ZNF462: variants seen among roughly 807,000 people sequenced by gnomAD.
The protein encoded by ZNF462 is zinc finger PBX1-interacting protein.
A neutral mutation model predicts 201.9 loss-of-function variants in ZNF462; 10 were observed. That is an observed-to-expected ratio of 0.05 (90% CI 0.03 to 0.08). ZNF462 has a LOEUF of 0.08. ZNF462 is among the 10% of genes least tolerant of loss of function. The pLI is 1.00. For synonymous variants in ZNF462, 1,227 were observed against 1,193.3 expected (o/e 1.03, Z -0.58); for missense variants, 2,523 against 3,168.3 (o/e 0.80, Z 4.89).
chr9:106,862,361 G>A (rs1238837189), upstream of ZNF462, among the ~76,000 whole-genome samples: 1 of 152,104 alleles, frequency 6.6e-6, no homozygotes, highest in Non-Finnish European at 1.5e-5. The surrounding 1 kb of genome is among the most constrained non-coding windows in gnomAD (Gnocchi z 4.2). Flanking sequence ...GCTGACGTTG[G>A]GAGCGCTATG....
chr9:106,949,447 G>A (rs138840446), intron 7 of ZNF462, among the ~76,000 whole-genome samples: 2 of 152,334 alleles, frequency 1.3e-5, no homozygotes, highest in Non-Finnish European at 2.9e-5. Flanking sequence ...ATAGCAAGAT[G>A]TGCCATCCCA....
At chr9:106,893,249 C>T (rs1435762562) in intron 1 of ZNF462, among the ~76,000 whole-genome samples, 1 of 152,170 alleles carries the variant, frequency 6.6e-6, no homozygotes, top group Admixed American at 6.5e-5. Flanking sequence ...GACAGAGACC[C>T]AAACCTTGTC....
In ZNF462 at chr9:106,932,253, G is replaced by A; in HGVS notation, c.6013-193G>A. The A allele has an allele frequency of 6.4e-7, 1 of 1,550,440 alleles. No homozygotes were observed. Among genetic ancestry groups the A allele is most frequent in the South Asian group, 1.2e-5 (1 of 84,044 alleles). The stretch of plus-strand genomic sequence containing the variant: ...TTGGTGGGGCATGTGTGTGTGTGTG[G>A]TTCTCTTAGCAGGAGGCGGATGACC... On this transcript the variant is annotated intron_variant, in intron 4 of 12. Transcript: ENST00000277225. This position sits in a 1 kb window ranked among gnomAD's most constrained non-coding sequence, Gnocchi z 6.8.
Position 106,930,444 on chromosome 9 carries a change from T to A in ZNF462, c.5848-81T>A, listed in dbSNP as rs920654341. On this transcript the variant is annotated intron_variant, in intron 3 of 12. Transcript: ENST00000277225. This position sits in a 1 kb window ranked among gnomAD's most constrained non-coding sequence, Gnocchi z 5.8. ...CCTGCTAATCGGCTTTAAAATAAAG[T>A]ATGTTAGTAAACTGCAAGAATAAAT... 6.5e-7 allele frequency: 1 copy of A among 1,548,362 alleles called. No homozygotes were observed.
intron 1 of ZNF462, among the ~76,000 whole-genome samples, chr9:106,864,087 T>G (rs868205597): frequency 1.6e-5 from 2 of 121,938 alleles, no homozygotes; most frequent in Non-Finnish European, 1.8e-5. Context: ...TCTCTCTCTC[T>G]CTCTCTCTCT....
chr9:106,890,542 C>G lies in ZNF462; in HGVS notation c.-31+27187C>G, dbSNP rs530384314. On this transcript the variant is annotated intron_variant, in intron 1 of 12. Transcript: ENST00000277225. The surrounding 1 kb of genome is among the most constrained non-coding windows in gnomAD (Gnocchi z 4.2). The stretch of plus-strand genomic sequence containing the variant: ...TACACTTGGATGATGTAGTTAGGCT[C>G]AACTCCATTTGTAGTGAGAAACATT... Among the ~76,000 whole-genome samples, 1 of 152,288 alleles carries G rather than the reference C, an allele frequency of 6.6e-6. No homozygotes were observed. The highest frequency in any genetic ancestry group is 1.9e-4 in the East Asian group (1 of 5,182).
In ZNF462 at chr9:106,963,176, C is replaced by G. The variant is rs147123325; in HGVS notation, c.6428-8829C>G. Among the ~76,000 whole-genome samples, 152 of 152,180 alleles carry G rather than the reference C, an allele frequency of 1.0e-3. 2 individuals carry two copies. Among genetic ancestry groups the G allele is most frequent in the African/African-American group, 3.5e-3 (144 of 41,542 alleles). The stretch of plus-strand genomic sequence containing the variant: ...GTTTCTCTGGATACCAAATTCTGCT[C>G]AGTGTTAACAGCACTTGAGAAACAG... On this transcript the variant is annotated intron_variant, in intron 7 of 12. Coordinates refer to ENST00000277225, the MANE Select transcript of ZNF462 (RefSeq NM_021224.6). This position sits in a 1 kb window ranked among gnomAD's most constrained non-coding sequence, Gnocchi z 4.7.
At chr9:106,899,740 T>C (rs1219315355) in intron 1 of ZNF462, among the ~76,000 whole-genome samples, 2 of 152,194 alleles carry the variant, frequency 1.3e-5, no homozygotes, top group East Asian at 3.9e-4. Flanking sequence ...GGCAAAGGAC[T>C]GGGTTGCATA....
In ZNF462 at chr9:106,925,930, C is replaced by G; in HGVS notation, c.2018C>G (p.Ala673Gly). ...LGLSSKNNFV[A>G]KASRKLANDF... ...TTGTCCTCCAAGAACAATTTTGTAG[C>G]TAAAGCCTCTAGGAAGCTCGCCAAT... The change falls in exon 3 of 13, where the codon GCT becomes GGT. Residue 673 changes from alanine to glycine, a missense_variant. Coordinates refer to ENST00000277225, the MANE Select transcript of ZNF462 (RefSeq NM_021224.6). The surrounding 1 kb of genome is among the most constrained non-coding windows in gnomAD (Gnocchi z 7.9). 6.2e-7 allele frequency: 1 copy of G among 1,614,148 alleles called. No homozygotes were observed.
chr9:106,887,326 C>T (rs1188296000), intron 1 of ZNF462, among the ~76,000 whole-genome samples: 1 of 152,184 alleles, frequency 6.6e-6, no homozygotes, highest in Admixed American at 6.5e-5. Context: ...GCTGGCTTTT[C>T]CTTGCCTACA....
In ZNF462 at chr9:107,011,113, A is replaced by T; in HGVS notation, c.*83A>T. On this transcript the variant is annotated 3_prime_UTR_variant, in exon 13 of 13. Transcript: ENST00000277225. This position sits in a 1 kb window ranked among gnomAD's most constrained non-coding sequence, Gnocchi z 5.6. The stretch of plus-strand genomic sequence containing the variant: ...GCTGGCTTGGGCTGAGAAGGGAGGG[A>T]CAGAAAAGAGAAGACAGAACAAAGC... The T allele has an allele frequency of 7.1e-7, 1 of 1,400,862 alleles. No homozygotes were observed. The highest frequency in any genetic ancestry group is 9.9e-7 in the Non-Finnish European group (1 of 1,013,532). 86.8% of individuals were successfully genotyped at this position (1,400,862 alleles called of 1,614,324 possible). A position where few individuals can be genotyped will look rare whatever the true frequency, so the allele number is the denominator to read the frequency against.
chr9:107,010,679 C>A lies in ZNF462; in HGVS notation c.7314-144C>A, dbSNP rs541143769. The A allele has an allele frequency of 1.6e-3, 1,120 of 703,192 alleles. No individual in the cohort carries two copies. Among genetic ancestry groups the A allele is most frequent in the Non-Finnish European group, 2.2e-3 (970 of 438,286 alleles). The allele number at this position is 703,192 out of a possible 1,614,324, so 43.6% of individuals were successfully genotyped here. A position where few individuals can be genotyped will look rare whatever the true frequency, so the allele number is the denominator to read the frequency against. The stretch of plus-strand genomic sequence containing the variant: ...GCATCACTTGGTATTTTGTCATACA[C>A]CCATGGCATTTGTTCAAAGGAAACC... On this transcript the variant is annotated intron_variant, in intron 12 of 12. Transcript: ENST00000277225. The surrounding 1 kb of genome is among the most constrained non-coding windows in gnomAD (Gnocchi z 4.6).
intron 10 of ZNF462, among the ~76,000 whole-genome samples, chr9:106,996,508 A>T (rs1001623703): frequency 2.6e-5 from 4 of 152,126 alleles, no homozygotes; most frequent in African/African-American, 9.7e-5. Flanking sequence ...TCGCCATTCT[A>T]ACTGGTGTGA....
At position 106,876,111 on chromosome 9, in the gene ZNF462, T is replaced by C. The variant is rs765042230; in HGVS notation, c.-31+12756T>C. Reference sequence around the variant, plus strand: ...ATGTGTAGTAGGTGGAATATACTCTTTGGGGCCACACAAGCTGAGGCTGAA... The same window carrying C: ...ATGTGTAGTAGGTGGAATATACTCTCTGGGGCCACACAAGCTGAGGCTGAA... On this transcript the variant is annotated intron_variant, in intron 1 of 12. Coordinates refer to ENST00000277225, the MANE Select transcript of ZNF462 (RefSeq NM_021224.6). The surrounding 1 kb of genome is among the most constrained non-coding windows in gnomAD (Gnocchi z 4.9). Among the ~76,000 whole-genome samples, 9 of 152,140 alleles carry C rather than the reference T, an allele frequency of 5.9e-5. No individual in the cohort carries two copies. The highest frequency in any genetic ancestry group is 2.0e-4 in the Admixed American group (3 of 15,270).
intron 7 of ZNF462, among the ~76,000 whole-genome samples, chr9:106,971,142 C>T (rs911559362): frequency 3.3e-5 from 5 of 152,050 alleles, no homozygotes; most frequent in East Asian, 1.9e-4. Context: ...AGGCATAAAA[C>T]ATTTTTATAT....
chr9:106,938,916 G>T lies in ZNF462; in HGVS notation c.6236G>T (p.Gly2079Val), dbSNP rs768264183. 5 of 1,602,264 alleles carry T rather than the reference G, an allele frequency of 3.1e-6. No individual in the cohort carries two copies. In the South Asian group the frequency reaches 4.5e-5, roughly 14 times the overall value. The change falls in exon 7 of 13, where the codon GGT becomes GTT. Residue 2079 changes from glycine (G) to valine (V), a missense_variant and splice_region_variant. By Grantham distance (109) the Gly-to-Val change is moderately radical. Around this residue, in one of 15 missense-constraint regions of ZNF462, gnomAD observed 138 missense variants for 146.3 expected, o/e 0.94. Transcript: ENST00000277225. The surrounding 1 kb of genome is among the most constrained non-coding windows in gnomAD (Gnocchi z 4.4). Reference protein sequence around the residue: ...LKTHILKAHAGEHAYKCSWCS... With the variant: ...LKTHILKAHAVEHAYKCSWCS... Reference sequence around the variant, plus strand: ...ATTTCTTGTCACCATCCTCTTCCAGGTGAGCATGCCTACAAGTGTTCTTGG... The same window carrying T: ...ATTTCTTGTCACCATCCTCTTCCAGTTGAGCATGCCTACAAGTGTTCTTGG...
At chr9:106,887,498 T>C (rs1439737572) in intron 1 of ZNF462, among the ~76,000 whole-genome samples, 1 of 152,224 alleles carries the variant, frequency 6.6e-6, no homozygotes, top group East Asian at 1.9e-4. Context: ...TTCCTACTTA[T>C]TACAATAAAA....
chr9:106,931,924 A>T (rs1409307554), intron 4 of ZNF462, among the ~76,000 whole-genome samples: 1 of 152,126 alleles, frequency 6.6e-6, no homozygotes, highest in Non-Finnish European at 1.5e-5. Context: ...ACCCTAGCCC[A>T]ACTTTATGTC....
At position 107,006,236 on chromosome 9, in the gene ZNF462, A is replaced by C. The variant is rs1029832880; in HGVS notation, c.7189+2810A>C. On this transcript the variant is annotated intron_variant, in intron 11 of 12. Transcript: ENST00000277225. The surrounding 1 kb of genome is among the most constrained non-coding windows in gnomAD (Gnocchi z 4.3). ...AGAAGACCTTCACCCAGTTCCTAGA[A>C]TATAACAATCACCTAATAAATGATA... Among the ~76,000 whole-genome samples, 5 of 152,210 alleles carry C rather than the reference A, an allele frequency of 3.3e-5. No homozygotes were observed. Among genetic ancestry groups the C allele is most frequent in the African/African-American group, 7.2e-5 (3 of 41,460 alleles).
Sources: allele counts gnomAD v4.1 joint callset (sites outside exome capture counted in the v4.1 genomes callset), GRCh38; gene constraint gnomAD v4.1.1; regional missense constraint gnomAD v4.1.1; non-coding constraint Gnocchi (gnomAD v3.1); transcripts MANE v1.5; gene names NCBI Gene and HGNC (gene_info 2026-07-23, HGNC 2026-07-21).